The following CENPP variants were observed in gnomAD, a reference collection of about 807,000 sequenced individuals.
CENPP encodes the protein centromere protein P.
Under a neutral mutation model 35.6 loss-of-function variants are expected in CENPP, and 24 were observed. The ratio of observed to expected loss-of-function variants is 0.67; its 90% CI spans 0.49 to 0.95. The LOEUF (loss-of-function observed/expected upper bound fraction) is 0.95. Ranked by LOEUF, CENPP falls within the 40% of genes least tolerant of loss-of-function variation. The probability of loss-of-function intolerance (pLI) is 0.00; values close to 1 mark genes in which losing one functional copy is unlikely to be tolerated. For synonymous variants in CENPP, 120 were observed against 125.5 expected, an observed-to-expected ratio of 0.96 and a Z score of 0.29; for missense variants, 332 against 345.3, an observed-to-expected ratio of 0.96 and a Z score of 0.31.
At chr9:92,543,807 A>G (rs1266740900) in intron 5 of CENPP, among the ~76,000 whole-genome samples, 1 of 152,098 alleles carries the variant, frequency 6.6e-6, no homozygotes, top group African/African-American at 2.4e-5. Flanking sequence ...TTACGTATCT[A>G]TTGTAAATTT....
intron 5 of CENPP, among the ~76,000 whole-genome samples, chr9:92,426,405 C>T (rs1293882153): frequency 6.6e-6 from 1 of 152,174 alleles, no homozygotes; most frequent in Non-Finnish European, 1.5e-5. Flanking sequence ...ATTTTCTGCT[C>T]ATTTGTTCCA....
At chr9:92,510,760 A>G (rs954327638) in intron 5 of CENPP, among the ~76,000 whole-genome samples, 9 of 152,226 alleles carry the variant, frequency 5.9e-5, no homozygotes. Flanking sequence ...GAGAATTCCA[A>G]AGCAAGAAAA....
rs143452414 is a variant in CENPP at position 92,500,963 on chromosome 9, C to T, written c.565-110351C>T. 7.7e-4 allele frequency: 1,240 copies of T among 1,614,122 alleles called. 3 individuals are homozygous for T. The Middle Eastern group carries it at 0.013, about 16-fold the overall frequency. ...AGCCAGGGATCCGTTCAATCTGGTT[C>T]CCAAGGAGTACTAGGTGCAGCAAGG... On this transcript the variant is annotated intron_variant, in intron 5 of 7. Coordinates refer to ENST00000375587, the MANE Select transcript of CENPP (RefSeq NM_001012267.3).
At chr9:92,333,033 A>C (rs910202012) in intron 2 of CENPP, among the ~76,000 whole-genome samples, 1 of 152,232 alleles carries the variant, frequency 6.6e-6, no homozygotes, top group Admixed American at 6.5e-5. Context: ...CAGCACTGAC[A>C]TGAAAGCTGC....
rs1444603149 is a variant in CENPP at position 92,616,816 on chromosome 9, C to G, written c.*3667C>G. Reference sequence around the variant, plus strand: ...TCGTCTCCGGGCACTCAGCGCACAGCACTCAAGACACTGGCTAAACAAGTG... The same window carrying G: ...TCGTCTCCGGGCACTCAGCGCACAGGACTCAAGACACTGGCTAAACAAGTG... On this transcript the variant is annotated 3_prime_UTR_variant, in exon 8 of 8. Coordinates refer to ENST00000375587, the MANE Select transcript of CENPP (RefSeq NM_001012267.3). 6.6e-6 allele frequency: 1 copy of G among 152,280 alleles called. No homozygotes were observed. Among genetic ancestry groups the G allele is most frequent in the Non-Finnish European group, 1.5e-5 (1 of 68,092 alleles). The allele number at this position is 152,280 out of a possible 1,614,324, so 9.4% of individuals were successfully genotyped here. A position where few individuals can be genotyped will look rare whatever the true frequency, so the allele number is the denominator to read the frequency against.
chr9:92,602,122 G>A (rs1241749713), intron 5 of CENPP, among the ~76,000 whole-genome samples: 1 of 152,162 alleles, frequency 6.6e-6, no homozygotes, highest in Non-Finnish European at 1.5e-5. Context: ...GAAGAACCAG[G>A]AGCAGTTTAC....
intron 4 of CENPP, among the ~76,000 whole-genome samples, chr9:92,349,200 C>T (rs763206261): frequency 1.2e-4 from 19 of 152,214 alleles, no homozygotes; most frequent in Non-Finnish European, 2.4e-4. Context: ...TCTGCAACTT[C>T]GCAGAGTCTT....
chr9:92,524,517 A>C (rs1005653048), intron 5 of CENPP, among the ~76,000 whole-genome samples: 1 of 152,132 alleles, frequency 6.6e-6, no homozygotes, highest in Non-Finnish European at 1.5e-5. Context: ...TAGTCCTACA[A>C]AGGAAGGTTG....
At chr9:92,338,745 G>T (rs998130673) in intron 3 of CENPP, among the ~76,000 whole-genome samples, 3 of 152,068 alleles carry the variant, frequency 2.0e-5, no homozygotes, top group Non-Finnish European at 2.9e-5. Flanking sequence ...GAGCCACTCA[G>T]TTGGGTGTCC....
At chr9:92,454,791 A>C (rs1844826737) in intron 5 of CENPP, among the ~76,000 whole-genome samples, 2 of 152,282 alleles carry the variant, frequency 1.3e-5, no homozygotes, top group South Asian at 4.2e-4. Context: ...CCAAGACTAT[A>C]AATGGAACTG....
At chr9:92,361,128 CTTTATTTA>C (rs536927713) in intron 4 of CENPP, among the ~76,000 whole-genome samples, 47 of 150,586 alleles carry the variant, frequency 3.1e-4, no homozygotes, top group East Asian at 3.0e-3. Context: ...TATTATTTTA[CTTTATTTA>C]TTTATTTATT....
chr9:92,480,661 A>G (rs146209094), intron 5 of CENPP, among the ~76,000 whole-genome samples: 175 of 152,306 alleles, frequency 1.1e-3, no homozygotes, highest in African/African-American at 3.9e-3. Context: ...CCTCTCAGAC[A>G]CTATTATTAG....
intron 4 of CENPP, among the ~76,000 whole-genome samples, chr9:92,353,107 T>C (rs1278908064): frequency 6.6e-6 from 1 of 152,196 alleles, no homozygotes; most frequent in Non-Finnish European, 1.5e-5. Context: ...TAAATGCTGA[T>C]ATGAAGTCAA....
At chr9:92,358,628 G>A (rs994214066) in intron 4 of CENPP, among the ~76,000 whole-genome samples, 7 of 152,082 alleles carry the variant, frequency 4.6e-5, no homozygotes, top group South Asian at 4.1e-4. Flanking sequence ...CCTATCTCCA[G>A]GTTTGGTGAT....
In CENPP at chr9:92,615,549, G is replaced by A; in HGVS notation, c.*2400G>A. 1 of 371,138 alleles carries A rather than the reference G, an allele frequency of 2.7e-6. No individual in the cohort carries two copies. Among genetic ancestry groups the A allele is most frequent in the Non-Finnish European group, 5.0e-6 (1 of 201,718 alleles). 23.0% of individuals were successfully genotyped at this position (371,138 alleles called of 1,614,324 possible). On this transcript the variant is annotated 3_prime_UTR_variant, in exon 8 of 8. Coordinates refer to ENST00000375587, the MANE Select transcript of CENPP (RefSeq NM_001012267.3). ...AGAGAATCAGACATGAGCCCTGGTTGGGAAAGAAGAACTATCCAGAACGTC... is the reference window on the plus strand; with the variant it reads ...AGAGAATCAGACATGAGCCCTGGTTAGGAAAGAAGAACTATCCAGAACGTC...
intron 5 of CENPP, among the ~76,000 whole-genome samples, chr9:92,520,833 T>G (rs1848021202): frequency 6.6e-6 from 1 of 152,220 alleles, no homozygotes; most frequent in African/African-American, 2.4e-5. Context: ...TTAAAAACAT[T>G]ATACTAAGTA....
intron 3 of CENPP, 100 bp from the exon 4 acceptor site, chr9:92,345,598 TC>T: frequency 1.5e-6 from 1 of 678,102 alleles, no homozygotes; most frequent in Non-Finnish European, 2.6e-6. Flanking sequence ...GATTACTCTT[TC>T]CTTTTATTTG....
chr9:92,342,153 C>T (rs1841141436), intron 3 of CENPP, among the ~76,000 whole-genome samples: 1 of 152,232 alleles, frequency 6.6e-6, no homozygotes. Context: ...AAAGCCTCGC[C>T]TGTTCTTTTA....
intron 5 of CENPP, among the ~76,000 whole-genome samples, chr9:92,393,782 A>G (rs956293656): frequency 6.6e-6 from 1 of 152,096 alleles, no homozygotes; most frequent in Admixed American, 6.6e-5. Flanking sequence ...TGAAAAGTGT[A>G]GAGCTTTTTT....
Sources: gnomAD v4.1 joint callset for allele counts (sites outside exome capture counted in the v4.1 genomes callset) on GRCh38, gnomAD v4.1.1 for gene constraint, MANE v1.5 for transcripts, NCBI Gene and HGNC (gene_info 2026-07-23, HGNC 2026-07-21) for gene names.